The following FAT3 variants were observed in gnomAD, a reference collection of about 807,000 sequenced individuals.
FAT3 encodes the protein FAT atypical cadherin 3, also known as protocadherin Fat 3.
A neutral mutation model predicts 310.2 loss-of-function variants in FAT3; 95 were observed. The ratio of observed to expected loss-of-function variants is 0.31; its 90% confidence interval spans 0.26 to 0.36. FAT3 has a LOEUF of 0.36. FAT3 is among the 10% of genes least tolerant of loss of function. The probability of loss-of-function intolerance (pLI) is 1.00; values close to 1 mark genes in which losing one functional copy is unlikely to be tolerated. For synonymous variants in FAT3, 2,314 were observed against 2,192.9 expected (o/e 1.06, Z -1.54); for missense variants, 5,408 against 5,715.6 (o/e 0.95, Z 1.74).
rs776266933 is a variant in FAT3, at chr11:92,882,824, A to G, written c.12368A>G (p.Asn4123Ser). ...CVNVFGSFLC[N>S]CTPGYVGQYC... ...AACGTGTTCGGCTCCTTCCTCTGCA[A>G]CTGCACGCCGGGCTACGTGGGCCAG... The change falls in exon 24 of 28, where the codon AAC (asparagine) becomes AGC (serine). Residue 4123 changes from asparagine (N) to serine (S), a missense_variant. Physicochemically the swap from Asn to Ser is conservative, Grantham distance 46. Coordinates refer to ENST00000525166, the MANE Select transcript of FAT3 (RefSeq NM_001367949.2). 11 of 1,611,934 alleles carry G rather than the reference A, an allele frequency of 6.8e-6. No individual in the cohort carries two copies. The South Asian group carries it at 1.1e-4, about 16-fold the overall frequency.
intron 3 of FAT3, among the ~76,000 whole-genome samples, chr11:92,607,384 T>C (rs925783379): frequency 6.6e-6 from 1 of 152,158 alleles, no homozygotes. Flanking sequence ...TCCATCTGAT[T>C]AAAGAAACAT....
At chr11:92,283,812 G>T (rs549575698) in intron 1 of FAT3, among the ~76,000 whole-genome samples, 1 of 152,092 alleles carries the variant, frequency 6.6e-6, no homozygotes, top group East Asian at 1.9e-4. Flanking sequence ...TATTGTGTTA[G>T]TGCACCTTGA....
intron 1 of FAT3, among the ~76,000 whole-genome samples, chr11:92,248,547 C>T (rs1865017940): frequency 6.6e-6 from 1 of 152,088 alleles, no homozygotes. Flanking sequence ...AAAATTTACC[C>T]TGTACTTGCC....
intron 7 of FAT3, among the ~76,000 whole-genome samples, chr11:92,776,523 G>C (rs1047855921): frequency 2.0e-5 from 3 of 152,184 alleles, no homozygotes; most frequent in African/African-American, 4.8e-5. Context: ...CCAGGTGACT[G>C]ACATGCATTC....
At chr11:92,649,566 G>T (rs1410266746) in intron 3 of FAT3, among the ~76,000 whole-genome samples, 2 of 152,060 alleles carry the variant, frequency 1.3e-5, no homozygotes, top group Non-Finnish European at 2.9e-5. Flanking sequence ...CATCACTCAT[G>T]ATTTGGAAAG....
chr11:92,630,427 A>G (rs1229821164), intron 3 of FAT3, among the ~76,000 whole-genome samples: 2 of 152,176 alleles, frequency 1.3e-5, no homozygotes, highest in Admixed American at 6.5e-5. Context: ...GGTACTTACA[A>G]CTTTGACTGT....
At chr11:92,338,366 C>A (rs942267651) in intron 1 of FAT3, among the ~76,000 whole-genome samples, 3 of 152,044 alleles carry the variant, frequency 2.0e-5, no homozygotes, top group African/African-American at 7.2e-5. Flanking sequence ...AAGCAATGAT[C>A]CTATTTCCTT....
Position 92,582,091 on chromosome 11 carries a change from G to A in FAT3, c.3607+57143G>A, listed in dbSNP as rs556468153. On this transcript the variant is annotated intron_variant, in intron 3 of 27. Coordinates refer to ENST00000525166, the MANE Select transcript of FAT3 (RefSeq NM_001367949.2). ...AGACCATATAGGGTAACTTCCTGAC[G>A]TTGTCATGGCATCTGTTAACGGTCA... Among the ~76,000 whole-genome samples the A allele has an allele frequency of 5.0e-4, 76 of 151,754 alleles. 1 individual carries two copies. The highest frequency in any genetic ancestry group is 8.7e-4 in the Non-Finnish European group (59 of 67,946).
At chr11:92,348,025 C>A (rs1453628958) in intron 1 of FAT3, among the ~76,000 whole-genome samples, 1 of 152,072 alleles carries the variant, frequency 6.6e-6, no homozygotes, top group East Asian at 1.9e-4. Flanking sequence ...AAATTCAATT[C>A]TATTATTTGC....
intron 1 of FAT3, among the ~76,000 whole-genome samples, chr11:92,291,109 A>ACACACACACACACACACACG (rs1946679017): frequency 1.3e-5 from 2 of 151,640 alleles, no homozygotes; most frequent in African/African-American, 2.4e-5. Flanking sequence ...ACACACACAC[A>ACACACACACACACACACACG]CACACACATG....
Position 92,761,984 on chromosome 11 carries a change from T to C in FAT3, c.3798T>C (p.Arg1266=). The change falls in exon 5 of 28, where the codon CGT becomes CGC. Residue 1266 remains arginine (R), a synonymous_variant. Coordinates refer to ENST00000525166, the MANE Select transcript of FAT3 (RefSeq NM_001367949.2). The stretch of plus-strand genomic sequence containing the variant: ...TCTACCAGATCAAGCTGCCAGAACG[T>C]GACCGAAAGAAGAGAGGAGAACCGA... The part of the protein sequence containing the change: ...EKVYQIKLPE[R]DRKKRGEPIY... 6.2e-7 allele frequency: 1 copy of C among 1,613,966 alleles called. No individual in the cohort carries two copies.
chr11:92,754,808 C>CAG (rs1945944157), intron 4 of FAT3, among the ~76,000 whole-genome samples: 1 of 151,326 alleles, frequency 6.6e-6, no homozygotes, highest in Non-Finnish European at 1.5e-5. Flanking sequence ...GGGGAGGTTG[C>CAG]AGTGAGTGGA....
intron 3 of FAT3, among the ~76,000 whole-genome samples, chr11:92,567,716 A>G (rs1459480691): frequency 2.0e-5 from 3 of 152,144 alleles, no homozygotes; most frequent in African/African-American, 7.2e-5. Flanking sequence ...ATAAAAAATG[A>G]TGAGTTCATG....
intron 2 of FAT3, among the ~76,000 whole-genome samples, chr11:92,500,835 TA>T (rs1342396393): frequency 2.6e-5 from 4 of 152,046 alleles, no homozygotes; most frequent in African/African-American, 9.7e-5. Flanking sequence ...AATCACATAG[TA>T]AAAACAGTTT....
intron 2 of FAT3, among the ~76,000 whole-genome samples, chr11:92,455,926 TC>T (rs971431515): frequency 6.6e-6 from 1 of 152,194 alleles, no homozygotes; most frequent in African/African-American, 2.4e-5. Flanking sequence ...GTACTCTAGT[TC>T]AGCTTTCCAT....
chr11:92,507,474 T>G (rs922274937), intron 2 of FAT3, among the ~76,000 whole-genome samples: 1 of 151,942 alleles, frequency 6.6e-6, no homozygotes, highest in Non-Finnish European at 1.5e-5. Flanking sequence ...TATATATGTG[T>G]GGGGGTGTGT....
At chr11:92,371,305 G>A (rs1001902737) in intron 2 of FAT3, among the ~76,000 whole-genome samples, 4 of 152,206 alleles carry the variant, frequency 2.6e-5, no homozygotes, top group African/African-American at 9.7e-5. Context: ...CTTGTCCAAG[G>A]TTTCACAGCT....
chr11:92,858,295 G>A (rs1265779661), intron 20 of FAT3, among the ~76,000 whole-genome samples: 1 of 152,172 alleles, frequency 6.6e-6, no homozygotes, highest in Non-Finnish European at 1.5e-5. Context: ...AGAATTACAG[G>A]AAAATTATGC....
intron 6 of FAT3, 97 bp downstream of exon 6, chr11:92,765,186 A>G (rs1681726857): frequency 9.7e-7 from 1 of 1,026,578 alleles, no homozygotes; most frequent in African/African-American, 1.6e-5. Flanking sequence ...AAAACTAACA[A>G]TTAGTGCCAA....
Sources: gnomAD v4.1 joint callset for allele counts (sites outside exome capture counted in the v4.1 genomes callset) on GRCh38, gnomAD v4.1.1 for gene constraint, MANE v1.5 for transcripts, NCBI Gene and HGNC (gene_info 2026-07-23, HGNC 2026-07-21) for gene names.